Variants in LDLRAD4 observed in about 807,000 individuals in gnomAD.
The protein encoded by LDLRAD4 is low density lipoprotein receptor class A domain containing 4, also known as low-density lipoprotein receptor class A domain-containing protein 4.
A neutral mutation model predicts 17.0 loss-of-function variants in LDLRAD4; 5 were observed. The observed-to-expected ratio is 0.29, with a 90% CI of 0.15 to 0.62. LDLRAD4 has a LOEUF of 0.62. LDLRAD4 is among the 20% of genes least tolerant of loss of function. The probability of loss-of-function intolerance (pLI) is 0.84; values close to 1 mark genes in which losing one functional copy is unlikely to be tolerated. For synonymous variants in LDLRAD4, 168 were observed against 171.8 expected, an observed-to-expected ratio of 0.98 and a Z score of 0.17; for missense variants, 340 against 424.7, an observed-to-expected ratio of 0.80 and a Z score of 1.75.
At chr18:13,586,590 A>T (rs1008387789) in intron 3 of LDLRAD4, among the ~76,000 whole-genome samples, 4 of 151,988 alleles carry the variant, frequency 2.6e-5, no homozygotes, top group Admixed American at 2.6e-4. Flanking sequence ...TCTGACTTTA[A>T]GGCAAGTCAA....
chr18:13,558,823 T>C (rs2094510513), intron 3 of LDLRAD4, among the ~76,000 whole-genome samples: 1 of 152,222 alleles, frequency 6.6e-6, no homozygotes. Flanking sequence ...CCACCATTGC[T>C]TTCTGTTAAT....
intron 3 of LDLRAD4, among the ~76,000 whole-genome samples, chr18:13,447,044 C>T (rs2091455836): frequency 6.6e-6 from 1 of 152,220 alleles, no homozygotes; most frequent in South Asian, 2.1e-4. Context: ...AGACTTAATT[C>T]TGGCTGGCCT....
chr18:13,506,532 G>A (rs1444629035), intron 3 of LDLRAD4, among the ~76,000 whole-genome samples: 1 of 152,110 alleles, frequency 6.6e-6, no homozygotes, highest in African/African-American at 2.4e-5. Context: ...ACCCCTGGGT[G>A]ACAGGGACCA....
intron 2 of LDLRAD4, chr18:13,419,640 A>G (rs2089263062): frequency 6.6e-6 from 1 of 152,220 alleles, no homozygotes; most frequent in Non-Finnish European, 1.5e-5. Flanking sequence ...AAGATCACAC[A>G]GGTAATAAGT....
At chr18:13,232,811 G>A (rs1046649157) in intron 1 of LDLRAD4, among the ~76,000 whole-genome samples, 1 of 152,168 alleles carries the variant, frequency 6.6e-6, no homozygotes, top group African/African-American at 2.4e-5. Context: ...TGGAAGCTGC[G>A]TGTGGGAGAG....
At chr18:13,509,029 A>G (rs2093737531) in intron 3 of LDLRAD4, among the ~76,000 whole-genome samples, 2 of 152,220 alleles carry the variant, frequency 1.3e-5, no homozygotes, top group African/African-American at 4.8e-5. Flanking sequence ...TCGGCCAGGC[A>G]CAGTGGCTCA....
chr18:13,298,074 G>T (rs569352496), intron 1 of LDLRAD4, among the ~76,000 whole-genome samples: 77 of 152,330 alleles, frequency 5.1e-4, no homozygotes, highest in African/African-American at 1.8e-3. Flanking sequence ...CACAGTGATG[G>T]GTAAGCCAGA....
chr18:13,355,912 G>A (rs2083309234), intron 1 of LDLRAD4, among the ~76,000 whole-genome samples: 1 of 152,256 alleles, frequency 6.6e-6, no homozygotes, highest in Non-Finnish European at 1.5e-5. Context: ...ATTAAGGCAT[G>A]AGCCTCTATG....
intron 2 of LDLRAD4, among the ~76,000 whole-genome samples, chr18:13,412,024 G>T (rs2088414376): frequency 1.3e-5 from 2 of 152,012 alleles, no homozygotes. Context: ...AAAATTGTTT[G>T]GTAGAGATAG....
chr18:13,552,272 G>A (rs1047955073), intron 3 of LDLRAD4, among the ~76,000 whole-genome samples: 3 of 152,212 alleles, frequency 2.0e-5, no homozygotes, highest in Admixed American at 6.5e-5. Context: ...CCCTTTCCAC[G>A]ACACCGTGCT....
At chr18:13,527,665 A>C (rs1430064354) in intron 3 of LDLRAD4, among the ~76,000 whole-genome samples, 1 of 152,212 alleles carries the variant, frequency 6.6e-6, no homozygotes, top group East Asian at 1.9e-4. Context: ...AAGAGGCAGA[A>C]GAGAGAGCTC....
intron 3 of LDLRAD4, among the ~76,000 whole-genome samples, chr18:13,470,637 G>A (rs2092742445): frequency 1.3e-5 from 2 of 150,330 alleles, no homozygotes; most frequent in African/African-American, 2.5e-5. Flanking sequence ...GCACATGCTG[G>A]GATGTGTTGC....
At chr18:13,508,478 C>G (rs1207095313) in intron 3 of LDLRAD4, among the ~76,000 whole-genome samples, 2 of 152,188 alleles carry the variant, frequency 1.3e-5, no homozygotes, top group Non-Finnish European at 2.9e-5. Flanking sequence ...CTTCAAAGGA[C>G]AGGCTAAATT....
intron 1 of LDLRAD4, among the ~76,000 whole-genome samples, chr18:13,239,082 G>T (rs2042488670): frequency 6.6e-6 from 1 of 151,878 alleles, no homozygotes; most frequent in African/African-American, 2.4e-5. Flanking sequence ...AGCTACTCAG[G>T]GGGCTGAGGC....
chr18:13,508,423 A>G (rs188279264), intron 3 of LDLRAD4, among the ~76,000 whole-genome samples: 28 of 152,348 alleles, frequency 1.8e-4, no homozygotes, highest in African/African-American at 5.8e-4. Context: ...AGGAGATGCC[A>G]TGTAGGGTTT....
At chr18:13,494,218 C>T (rs963617869) in intron 3 of LDLRAD4, among the ~76,000 whole-genome samples, 1 of 152,120 alleles carries the variant, frequency 6.6e-6, no homozygotes, top group Non-Finnish European at 1.5e-5. Flanking sequence ...TGCTGTCTAG[C>T]TTGTCTGACA....
At chr18:13,509,524 T>C (rs966507284) in intron 3 of LDLRAD4, among the ~76,000 whole-genome samples, 2 of 152,230 alleles carry the variant, frequency 1.3e-5, no homozygotes, top group African/African-American at 2.4e-5. Flanking sequence ...TTGCTTCTTA[T>C]GGATAAGCAA....
In LDLRAD4 at chr18:13,621,384, A is replaced by G; in HGVS notation, c.336+113A>G. On this transcript the variant is annotated intron_variant, in intron 4 of 5. Transcript: ENST00000359446. This position sits in a 1 kb window ranked among gnomAD's most constrained non-coding sequence, Gnocchi z 5.5. ...CAGTTGACATGTAACAAACGGGGCG[A>G]AGCGCACCTCGTAAGTGTTCCACTT... 1.3e-6 allele frequency: 1 copy of G among 762,356 alleles called. No homozygotes were observed. The allele number at this position is 762,356 out of a possible 1,614,324, so 47.2% of individuals were successfully genotyped here. A position where few individuals can be genotyped will look rare whatever the true frequency, so the allele number is the denominator to read the frequency against.
intron 1 of LDLRAD4, among the ~76,000 whole-genome samples, chr18:13,261,883 G>A (rs1443554098): frequency 6.6e-6 from 1 of 152,106 alleles, no homozygotes; most frequent in Non-Finnish European, 1.5e-5. Context: ...GAGCTTGAGA[G>A]AGCAAAGAGG....
Sources: gnomAD v4.1 joint callset for allele counts (sites outside exome capture counted in the v4.1 genomes callset) on GRCh38, gnomAD v4.1.1 for gene constraint, Gnocchi (gnomAD v3.1) non-coding constraint, MANE v1.5 for transcripts, NCBI Gene and HGNC (gene_info 2026-07-23, HGNC 2026-07-21) for gene names.